The following STAG1 variants were observed in gnomAD, a reference collection of about 807,000 sequenced individuals.
STAG1 encodes cohesin subunit SA-1.
In STAG1, 26 loss-of-function variants were observed where a neutral mutation model predicts 170.9. That is an observed-to-expected ratio of 0.15 (90% CI 0.11 to 0.21). STAG1 has a LOEUF of 0.21. STAG1 is among the 10% of genes least tolerant of loss of function. The pLI, the probability that STAG1 is intolerant of heterozygous loss-of-function variation, is 1.00. For missense variants in STAG1, 964 were observed against 1,509.5 expected (o/e 0.64, Z 5.99); for synonymous variants, 514 against 497.7 (o/e 1.03, Z -0.44).
chr3:136,698,571 C>T (rs368514911), intron 1 of STAG1, among the ~76,000 whole-genome samples: 2 of 152,126 alleles, frequency 1.3e-5, no homozygotes, highest in East Asian at 1.9e-4. Context: ...ACAACCACTA[C>T]GGAAAACGGT....
At chr3:136,444,754 C>T (rs2088728292) in intron 14 of STAG1, among the ~76,000 whole-genome samples, 1 of 152,080 alleles carries the variant, frequency 6.6e-6, no homozygotes, top group Non-Finnish European at 1.5e-5. Context: ...TGAAAGTCAC[C>T]CTTCTAGATC....
intron 1 of STAG1, among the ~76,000 whole-genome samples, chr3:136,689,202 A>G (rs1055682296): frequency 1.3e-5 from 2 of 152,238 alleles, no homozygotes; most frequent in African/African-American, 4.8e-5. Context: ...CTGATAAGAA[A>G]ACATACAGAT....
intron 4 of STAG1, among the ~76,000 whole-genome samples, chr3:136,570,656 T>C (rs1937240677): frequency 6.6e-6 from 1 of 152,242 alleles, no homozygotes; most frequent in African/African-American, 2.4e-5. Flanking sequence ...CAGCAATGTA[T>C]GACATCCAGC....
At chr3:136,622,453 A>G (rs1187098786) in intron 3 of STAG1, among the ~76,000 whole-genome samples, 2 of 152,168 alleles carry the variant, frequency 1.3e-5, no homozygotes, top group Admixed American at 1.3e-4. Context: ...AGATGAAACA[A>G]GATTGGTCAT....
rs1217332287 is a variant in STAG1, at chr3:136,663,898, C to A, written c.-83-32917G>T. 1.4e-3 allele frequency among the ~76,000 whole-genome samples: 208 copies of A among 152,108 alleles called. 2 individuals are homozygous for A. Among genetic ancestry groups the A allele is most frequent in the Non-Finnish European group, 1.0e-4 (7 of 67,990 alleles). On this transcript the variant is annotated intron_variant, in intron 1 of 33. Coordinates refer to ENST00000383202, the MANE Select transcript of STAG1 (RefSeq NM_005862.3). ...ACTAAGAAAAAGTAAGCAAAGGAAACTGCAGCAAAGATAGTGGTTTAGGTC... is the reference window on the plus strand; with the variant it reads ...ACTAAGAAAAAGTAAGCAAAGGAAAATGCAGCAAAGATAGTGGTTTAGGTC...
At chr3:136,703,279 G>T (rs960428119) in intron 1 of STAG1, among the ~76,000 whole-genome samples, 7 of 152,154 alleles carry the variant, frequency 4.6e-5, no homozygotes, top group Non-Finnish European at 1.0e-4. Context: ...TAACACTGGT[G>T]AATTTCTATA....
rs148258689 is a variant in STAG1 at position 136,491,442 on chromosome 3, CAACATTCT to C, written c.902+8773_902+8780del. On this transcript the variant is annotated intron_variant, in intron 9 of 33. Coordinates refer to ENST00000383202, the MANE Select transcript of STAG1 (RefSeq NM_005862.3). ...CATTCCAATTCACTAATTGTCTCCT[CAACATTCT>C]AAAGTATATCCTGTTCATTAAATAT... Among the ~76,000 whole-genome samples, 1,146 of 152,292 alleles carry C rather than the reference CAACATTCT, an allele frequency of 7.5e-3. 18 individuals are homozygous for C. Among genetic ancestry groups the C allele is most frequent in the African/African-American group, 0.026 (1,093 of 41,546 alleles).
At chr3:136,488,464 T>C (rs112945661) in intron 9 of STAG1, among the ~76,000 whole-genome samples, 7 of 152,354 alleles carry the variant, frequency 4.6e-5, no homozygotes, top group African/African-American at 1.4e-4. Context: ...GAGTAATTTG[T>C]TACATGGCAA....
intron 6 of STAG1, among the ~76,000 whole-genome samples, chr3:136,525,393 A>G (rs868598697): frequency 2.6e-5 from 4 of 152,100 alleles, no homozygotes; most frequent in Admixed American, 6.5e-5. Context: ...AGAGGTGTTT[A>G]TAGTTTTCTC....
intron 10 of STAG1, among the ~76,000 whole-genome samples, chr3:136,474,712 C>A (rs917489694): frequency 1.3e-5 from 2 of 152,228 alleles, no homozygotes; most frequent in Admixed American, 6.5e-5. Flanking sequence ...CCCTAGCACA[C>A]AAGCGAAAGC....
chr3:136,749,708 T>C (rs1444817501), intron 1 of STAG1, among the ~76,000 whole-genome samples: 2 of 147,342 alleles, frequency 1.4e-5, no homozygotes. Context: ...ATCACACCAC[T>C]GCACTCCAGC....
chr3:136,392,578 A>G (rs1047753320), intron 22 of STAG1, among the ~76,000 whole-genome samples: 1 of 152,024 alleles, frequency 6.6e-6, no homozygotes, highest in African/African-American at 2.4e-5. Context: ...CATCCTGGCT[A>G]ACACGGTGAA....
intron 19 of STAG1, among the ~76,000 whole-genome samples, chr3:136,422,174 A>T (rs981107705): frequency 4.3e-5 from 6 of 140,380 alleles, no homozygotes; most frequent in South Asian, 2.3e-4. Flanking sequence ...AAAAAAAAAA[A>T]TTTCTTGAAA....
At chr3:136,649,707 G>A (rs376182021) in intron 1 of STAG1, among the ~76,000 whole-genome samples, 2 of 151,176 alleles carry the variant, frequency 1.3e-5, no homozygotes, top group Admixed American at 6.6e-5. Flanking sequence ...CTTCAGCCCA[G>A]AAATTTGAGA....
At chr3:136,704,294 G>A (rs1050921694) in intron 1 of STAG1, among the ~76,000 whole-genome samples, 6 of 151,734 alleles carry the variant, frequency 4.0e-5, no homozygotes, top group Non-Finnish European at 5.9e-5. Flanking sequence ...CAGGTGATCC[G>A]CCTGACTTGG....
chr3:136,544,071 C>G (rs1936032843), intron 5 of STAG1, among the ~76,000 whole-genome samples: 1 of 152,150 alleles, frequency 6.6e-6, no homozygotes, highest in South Asian at 2.1e-4. Flanking sequence ...AGAGGTTTTC[C>G]CATCACCTAG....
At chr3:136,733,860 C>T (rs994582028) in intron 1 of STAG1, among the ~76,000 whole-genome samples, 6 of 152,180 alleles carry the variant, frequency 3.9e-5, no homozygotes, top group South Asian at 4.1e-4. Context: ...GTAATCCCAG[C>T]GCTTCAGGAG....
intron 8 of STAG1, 55 bp from the exon 9 acceptor site, chr3:136,500,351 A>G: frequency 8.2e-7 from 1 of 1,220,686 alleles, no homozygotes; most frequent in Non-Finnish European, 1.2e-6. Context: ...TTTGGAAGGA[A>G]CAGCTCCAAT....
intron 20 of STAG1, among the ~76,000 whole-genome samples, 178 bp from the exon 21 acceptor site, chr3:136,418,150 T>A (rs963197549): frequency 6.6e-6 from 1 of 151,934 alleles, no homozygotes; most frequent in Non-Finnish European, 1.5e-5. Context: ...GGTCAGGAGT[T>A]CGAGACCAGC....
Sources: allele counts gnomAD v4.1 joint callset (sites outside exome capture counted in the v4.1 genomes callset), GRCh38; gene constraint gnomAD v4.1.1; transcripts MANE v1.5; gene names NCBI Gene and HGNC (gene_info 2026-07-23, HGNC 2026-07-21).